ZNF217: variants seen among roughly 807,000 people sequenced by gnomAD.
ZNF217 encodes zinc finger protein 217.
A neutral mutation model predicts 73.3 loss-of-function variants in ZNF217; 12 were observed. The observed-to-expected ratio is 0.16, with a 90% CI of 0.10 to 0.27. ZNF217 has a LOEUF of 0.27. Ranked by LOEUF, ZNF217 falls within the 10% of genes least tolerant of loss-of-function variation. ZNF217 has a pLI of 1.00. For synonymous variants in ZNF217, 588 were observed against 516.4 expected (o/e 1.14, Z -1.88); for missense variants, 1,195 against 1,327.8 (o/e 0.90, Z 1.55).
At chr20:53,596,616 G>A (rs1989045638), upstream of ZNF217, among the ~76,000 whole-genome samples, 1 of 152,136 alleles carries the variant, frequency 6.6e-6, no homozygotes, top group Admixed American at 6.6e-5. Context: ...AAAGTAACAG[G>A]AGAACACTGG....
chr20:53,596,384 G>A (rs1989042418), upstream of ZNF217, among the ~76,000 whole-genome samples: 1 of 152,158 alleles, frequency 6.6e-6, no homozygotes, highest in Admixed American at 6.6e-5. Context: ...ACCTTGTCCT[G>A]GAGTCGTGCC....
upstream of ZNF217, among the ~76,000 whole-genome samples, chr20:53,594,426 G>T (rs575418006): frequency 1.9e-3 from 282 of 149,814 alleles, 3 homozygotes; most frequent in African/African-American, 6.8e-3. Flanking sequence ...TAGCATAGGC[G>T]CGCCCCTGCT....
In ZNF217 at chr20:53,583,056, G is replaced by C; in HGVS notation, c.-230C>G. 2.1e-6 allele frequency: 1 copy of C among 484,688 alleles called. No individual in the cohort carries two copies. Among genetic ancestry groups the C allele is most frequent in the South Asian group, 4.2e-5 (1 of 24,062 alleles). The allele number at this position is 484,688 out of a possible 1,614,324, so 30.0% of individuals were successfully genotyped here. A position where few individuals can be genotyped will look rare whatever the true frequency, so the allele number is the denominator to read the frequency against. On this transcript the variant is annotated 5_prime_UTR_variant, in exon 2 of 6. In the 5' UTR this introduces an upstream ATG that the reference lacks. Coordinates refer to ENST00000371471, the MANE Select transcript of ZNF217 (RefSeq NM_006526.3). ...AGGCATACAGGGTTCCCAATGCCTC[G>C]ATTCAAATATGAATCAGCACAAAGC... is the stretch of plus-strand genomic sequence containing the variant.
chr20:53,586,002 T>C (rs1159526831), intron 1 of ZNF217, among the ~76,000 whole-genome samples: 1 of 152,172 alleles, frequency 6.6e-6, no homozygotes, highest in Non-Finnish European at 1.5e-5. Flanking sequence ...AAATGTGCCA[T>C]CCCTGACTAC....
At chr20:53,596,493 C>T (rs1331946291), upstream of ZNF217, among the ~76,000 whole-genome samples, 3 of 152,170 alleles carry the variant, frequency 2.0e-5, no homozygotes, top group Admixed American at 2.0e-4. Context: ...GATCTGAATT[C>T]GCCTGGGAGG....
At position 53,576,004 on chromosome 20, in the gene ZNF217, C is replaced by A. The variant is rs1745477895; in HGVS notation, c.2760G>T (p.Leu920=). 2 of 1,614,072 alleles carry A rather than the reference C, an allele frequency of 1.2e-6. No homozygotes were observed. The highest frequency in any genetic ancestry group is 2.2e-5 in the South Asian group (2 of 91,092). Residue 920 remains leucine (L), a synonymous_variant, in exon 4 of 6, where the codon CTG becomes CTT. Transcript: ENST00000371471. ...CGTCAAGGGCAACCACGCTGGACTT[C>A]AGTCTTTTTGGAAGGGGCTCACCAA... The part of the protein sequence containing the change: ...AEFGEPLPKR[L]KSSVVALDVD...
intron 1 of ZNF217, among the ~76,000 whole-genome samples, chr20:53,591,473 A>C (rs1216928761): frequency 3.3e-5 from 5 of 151,780 alleles, no homozygotes; most frequent in Admixed American, 6.5e-5. Flanking sequence ...TAAATGATGA[A>C]TCTGCCTTGG....
At chr20:53,590,630 A>G (rs1424561332) in intron 1 of ZNF217, among the ~76,000 whole-genome samples, 1 of 152,106 alleles carries the variant, frequency 6.6e-6, no homozygotes, top group Non-Finnish European at 1.5e-5. Context: ...AAGTGGGAAA[A>G]CAGCACATCT....
chr20:53,595,348 A>C (rs988735943), upstream of ZNF217, among the ~76,000 whole-genome samples: 8 of 152,250 alleles, frequency 5.3e-5, no homozygotes, highest in African/African-American at 1.9e-4. Flanking sequence ...AGCATATCCA[A>C]AATGAAAAAA....
At chr20:53,585,791 G>C (rs1328050302) in intron 1 of ZNF217, among the ~76,000 whole-genome samples, 2 of 152,164 alleles carry the variant, frequency 1.3e-5, no homozygotes, top group African/African-American at 4.8e-5. Context: ...TTGCCTGGGA[G>C]GGTGAACAGC....
chr20:53,584,400 T>C (rs970381760), intron 1 of ZNF217, among the ~76,000 whole-genome samples: 8 of 152,260 alleles, frequency 5.3e-5, no homozygotes, highest in Non-Finnish European at 1.2e-4. Flanking sequence ...CACTCCGAAA[T>C]AGAAATTCTC....
Position 53,583,158 on chromosome 20 carries a change from A to T in ZNF217, c.-332T>A. 1 of 411,620 alleles carries T rather than the reference A, an allele frequency of 2.4e-6. No homozygotes were observed. Among genetic ancestry groups the T allele is most frequent in the Non-Finnish European group, 4.3e-6 (1 of 233,260 alleles). The allele number at this position is 411,620 out of a possible 1,614,324, so 25.5% of individuals were successfully genotyped here. On this transcript the variant is annotated 5_prime_UTR_variant, in exon 2 of 6. Coordinates refer to ENST00000371471, the MANE Select transcript of ZNF217 (RefSeq NM_006526.3). The stretch of plus-strand genomic sequence containing the variant: ...AATCCCAGCAACCTGGAGACAAGGG[A>T]TTTCCAAACCCTAGAGGAAAAAAAA...
intron 1 of ZNF217, among the ~76,000 whole-genome samples, chr20:53,586,898 C>G (rs1988714472): frequency 6.6e-6 from 1 of 152,194 alleles, no homozygotes; most frequent in African/African-American, 2.4e-5. Context: ...TGACAAAGAA[C>G]TGGAGGAGAA....
rs957160042 is a variant in ZNF217, at chr20:53,578,469, ATATT to A, written c.1367-23_1367-20del. On this transcript the variant is annotated intron_variant, in intron 2 of 5. Transcript: ENST00000371471. ...TTTTTATCTTAAAGGAAAAACAAAA[ATATT>A]TATATAAGAAGGTAGCTGAAGTACC... 1 of 1,475,980 alleles carries A rather than the reference ATATT, an allele frequency of 6.8e-7. No homozygotes were observed. The highest frequency in any genetic ancestry group is 9.2e-7 in the Non-Finnish European group (1 of 1,085,064). 91.4% of individuals were successfully genotyped at this position (1,475,980 alleles called of 1,614,324 possible).
chr20:53,593,649 G>C (rs1023494473), intron 1 of ZNF217, 107 bp downstream of exon 1: 22 of 151,492 alleles, frequency 1.5e-4, no homozygotes, highest in African/African-American at 2.2e-4. Flanking sequence ...GTCATCCTGG[G>C]GGGGGACAAG....
intron 1 of ZNF217, among the ~76,000 whole-genome samples, chr20:53,587,521 T>C (rs1342302887): frequency 2.0e-5 from 3 of 152,224 alleles, no homozygotes; most frequent in African/African-American, 4.8e-5. Context: ...TTATCTTACA[T>C]TGTTGATATG....
intron 4 of ZNF217, 39 bp downstream of exon 4, chr20:53,575,688 G>GT: frequency 1.3e-6 from 2 of 1,514,272 alleles, no homozygotes; most frequent in Non-Finnish European, 1.8e-6. Flanking sequence ...ATTAATCACT[G>GT]TAGGCAGCCA....
Position 53,573,046 on chromosome 20 carries a change from G to A in ZNF217, c.3038-1193C>T, listed in dbSNP as rs377389172. Among the ~76,000 whole-genome samples, 34 of 151,344 alleles carry A rather than the reference G, an allele frequency of 2.2e-4. No individual in the cohort carries two copies. The South Asian group carries it at 7.1e-3, about 32-fold the overall frequency. On this transcript the variant is annotated intron_variant, in intron 4 of 5. Coordinates refer to ENST00000371471, the MANE Select transcript of ZNF217 (RefSeq NM_006526.3). Reference sequence around the variant, plus strand: ...CCCGCCCCCACCACCCCAGCCAACAGATACCAAAATCCATGGATGCTCAGG... The same window carrying A: ...CCCGCCCCCACCACCCCAGCCAACAAATACCAAAATCCATGGATGCTCAGG...
At chr20:53,595,830 CTT>C (rs1196532383), upstream of ZNF217, among the ~76,000 whole-genome samples, 1 of 152,186 alleles carries the variant, frequency 6.6e-6, no homozygotes, top group Non-Finnish European at 1.5e-5. Context: ...CTTCATTTAA[CTT>C]TATGAAAACA....
Sources: allele counts gnomAD v4.1 joint callset (sites outside exome capture counted in the v4.1 genomes callset), GRCh38; gene constraint gnomAD v4.1.1; transcripts MANE v1.5; gene names NCBI Gene and HGNC (gene_info 2026-07-23, HGNC 2026-07-21).